Variants in SYCP2L observed in about 807,000 individuals in gnomAD.
SYCP2L encodes the protein synaptonemal complex protein 2 like.
Under a neutral mutation model 125.8 loss-of-function variants are expected in SYCP2L, and 98 were observed. The observed-to-expected ratio is 0.78, with a 90% confidence interval of 0.66 to 0.92. The LOEUF is 0.92. Among genes scored for constraint, SYCP2L ranks in the 40% least tolerant of loss-of-function variants. The pLI is 0.00. For synonymous variants in SYCP2L, 317 were observed against 325.4 expected (o/e 0.97, Z 0.28); for missense variants, 842 against 936.4 (o/e 0.90, Z 1.32).
intron 2 of SYCP2L, among the ~76,000 whole-genome samples, chr6:10,893,654 A>G (rs557566912): frequency 6.6e-6 from 1 of 152,316 alleles, no homozygotes; most frequent in African/African-American, 2.4e-5. Context: ...TTGGTGGTCT[A>G]GGAACCACAT....
intron 10 of SYCP2L, among the ~76,000 whole-genome samples, chr6:10,908,248 C>G (rs1182536382): frequency 6.6e-6 from 1 of 151,964 alleles, no homozygotes; most frequent in African/African-American, 2.4e-5. Context: ...AAAAAAAAGT[C>G]TTGGAAGGGT....
intron 29 of SYCP2L, among the ~76,000 whole-genome samples, chr6:10,972,186 T>C (rs906221837): frequency 6.6e-6 from 1 of 152,190 alleles, no homozygotes; most frequent in East Asian, 1.9e-4. Flanking sequence ...GTAGTGAATA[T>C]CTTTGTACAC....
At chr6:10,902,032 T>A (rs1476853371) in intron 6 of SYCP2L, among the ~76,000 whole-genome samples, 1 of 152,268 alleles carries the variant, frequency 6.6e-6, no homozygotes. Flanking sequence ...TTGCTCTGAT[T>A]GGATGCCCTG....
chr6:10,921,082 C>T (rs2113339291), intron 14 of SYCP2L, among the ~76,000 whole-genome samples: 1 of 152,274 alleles, frequency 6.6e-6, no homozygotes, highest in Non-Finnish European at 1.5e-5. Flanking sequence ...CGCAATGTGT[C>T]CATGTGTTCT....
chr6:10,919,731 C>T (rs369456103), intron 14 of SYCP2L, among the ~76,000 whole-genome samples: 8 of 152,030 alleles, frequency 5.3e-5, no homozygotes, highest in South Asian at 2.1e-4. Context: ...CTCAGACTCT[C>T]CTTGGGTGGG....
chr6:10,914,682 G>A (rs1010591547), intron 14 of SYCP2L, among the ~76,000 whole-genome samples: 20 of 148,936 alleles, frequency 1.3e-4, no homozygotes, highest in African/African-American at 5.0e-4. Flanking sequence ...TTTCAGCAGT[G>A]TTTTGTAGTT....
intron 29 of SYCP2L, among the ~76,000 whole-genome samples, chr6:10,966,567 G>T (rs909428687): frequency 2.0e-5 from 3 of 152,146 alleles, no homozygotes; most frequent in African/African-American, 7.2e-5. Context: ...CCCCAGCAGG[G>T]TTATTTTTTG....
chr6:10,928,595 G>T, intron 18 of SYCP2L, 145 bp downstream of exon 18: 1 of 1,195,966 alleles, frequency 8.4e-7, no homozygotes, highest in Non-Finnish European at 1.1e-6. Flanking sequence ...ACAAGGCCTT[G>T]TTCTGTCATC....
chr6:10,953,459 G>A (rs563230681), intron 23 of SYCP2L, among the ~76,000 whole-genome samples: 23 of 152,128 alleles, frequency 1.5e-4, no homozygotes, highest in Middle Eastern at 3.4e-3. Context: ...TAGCAAATAT[G>A]TAGTGGCTAT....
In SYCP2L at chr6:10,931,454, C is replaced by G; in HGVS notation, c.1648C>G (p.Pro550Ala). Reference protein sequence around the residue: ...RSNLRILPVFPPSSGSGHEKD... With the variant: ...RSNLRILPVFAPSSGSGHEKD... ...TTTCAATTTAGTCTTGCCAGTTTTC[C>G]CTCCCAGTAGTGGCAGTGGCCATGA... The change falls in exon 20 of 30, where the codon CCT (proline) becomes GCT (alanine). Residue 550 changes from proline (P) to alanine (A), a missense_variant. Coordinates refer to ENST00000283141, the MANE Select transcript of SYCP2L (RefSeq NM_001040274.3). The G allele has an allele frequency of 6.2e-7, 1 of 1,614,054 alleles. No individual in the cohort carries two copies. The highest frequency in any genetic ancestry group is 8.5e-7 in the Non-Finnish European group (1 of 1,179,966).
chr6:10,930,409 C>T lies in SYCP2L; in HGVS notation c.1528C>T (p.Gln510Ter). Residue 510 changes from glutamine (Q) to a stop codon, truncating the protein, a stop_gained, in exon 19 of 30, where the codon CAA becomes TAA. Coordinates refer to ENST00000283141, the MANE Select transcript of SYCP2L (RefSeq NM_001040274.3). LOFTEE classifies it high-confidence loss of function. ...AAAACATCTCTTCTCTGAGAGTAAT[C>T]AAGATTCAAGTACCAGTGAACTATC... ...YRKHLFSESN[Q>*]DSSTSELSWT... 6.2e-7 allele frequency: 1 copy of T among 1,613,514 alleles called. No homozygotes were observed. The highest frequency in any genetic ancestry group is 8.5e-7 in the Non-Finnish European group (1 of 1,179,768).
intron 23 of SYCP2L, among the ~76,000 whole-genome samples, chr6:10,946,001 A>G (rs925455179): frequency 2.0e-5 from 3 of 152,064 alleles, no homozygotes; most frequent in Non-Finnish European, 2.9e-5. Flanking sequence ...TCATAATGTT[A>G]TATATATAAC....
intron 1 of SYCP2L, among the ~76,000 whole-genome samples, chr6:10,890,657 A>G (rs1780157006): frequency 6.6e-6 from 1 of 152,028 alleles, no homozygotes. Flanking sequence ...TCTTCACTCT[A>G]TTATTTCCCT....
intron 26 of SYCP2L, 115 bp from the exon 27 acceptor site, chr6:10,961,190 C>A: frequency 1.2e-6 from 1 of 800,680 alleles, no homozygotes; most frequent in Non-Finnish European, 2.0e-6. Flanking sequence ...GTTCCCATGA[C>A]AAGAAATGTC....
In SYCP2L at chr6:10,912,354, G is replaced by A. The variant is rs1325815859; in HGVS notation, c.919-319G>A. ...TCCATATGCAGTGTGGCTTGTTACT[G>A]ATTCAACATAGAACTGTTTTCTCCG... On this transcript the variant is annotated intron_variant, in intron 12 of 29. Coordinates refer to ENST00000283141, the MANE Select transcript of SYCP2L (RefSeq NM_001040274.3). This position sits in a 1 kb window ranked among gnomAD's most constrained non-coding sequence, Gnocchi z 4.1. 6.6e-6 allele frequency among the ~76,000 whole-genome samples: 1 copy of A among 152,038 alleles called. No homozygotes were observed. Among genetic ancestry groups the A allele is most frequent in the Non-Finnish European group, 1.5e-5 (1 of 68,020 alleles).
intron 19 of SYCP2L, 44 bp from the exon 20 acceptor site, chr6:10,931,396 A>T (rs371798235): frequency 6.2e-7 from 1 of 1,604,672 alleles, no homozygotes; most frequent in Non-Finnish European, 8.5e-7. Flanking sequence ...TTTATGCCTC[A>T]TGAGTTAATG....
chr6:10,903,951 G>A (rs1398592755), intron 8 of SYCP2L, among the ~76,000 whole-genome samples: 2 of 152,088 alleles, frequency 1.3e-5, no homozygotes, highest in Non-Finnish European at 2.9e-5. Flanking sequence ...TAGAGCCTGC[G>A]TGGCTTCAAA....
intron 4 of SYCP2L, among the ~76,000 whole-genome samples, chr6:10,896,954 C>T (rs1780267956): frequency 6.6e-6 from 1 of 152,182 alleles, no homozygotes; most frequent in Non-Finnish European, 1.5e-5. Context: ...GAAGGCCTGA[C>T]TCCTGCAAGA....
intron 23 of SYCP2L, among the ~76,000 whole-genome samples, chr6:10,943,861 C>T (rs987468613): frequency 6.6e-6 from 1 of 152,082 alleles, no homozygotes; most frequent in African/African-American, 2.4e-5. Context: ...TTGTGAGATC[C>T]ATTCATGCTA....
Sources: allele counts gnomAD v4.1 joint callset (sites outside exome capture counted in the v4.1 genomes callset), GRCh38; gene constraint gnomAD v4.1.1; non-coding constraint Gnocchi (gnomAD v3.1); transcripts MANE v1.5; gene names NCBI Gene and HGNC (gene_info 2026-07-23, HGNC 2026-07-21).